NRXN1: variants seen among roughly 807,000 people sequenced by gnomAD.
The protein encoded by NRXN1 is neurexin-1.
NRXN1 carries 39 observed loss-of-function variants against 150.9 expected under a neutral mutation model. The observed-to-expected ratio is 0.26, with a 90% CI of 0.20 to 0.34. The LOEUF (loss-of-function observed/expected upper bound fraction) is 0.34. Ranked by LOEUF, NRXN1 falls within the 10% of genes least tolerant of loss-of-function variation. The pLI, the probability that NRXN1 is intolerant of heterozygous loss-of-function variation, is 1.00. For synonymous variants in NRXN1, 924 were observed against 757.0 expected (o/e 1.22, Z -3.62); for missense variants, 1,815 against 1,949.9 (o/e 0.93, Z 1.30).
chr2:50,845,540 C>T lies in NRXN1; in HGVS notation c.832+76329G>A, dbSNP rs144170795. Among the ~76,000 whole-genome samples, 6 of 152,280 alleles carry T rather than the reference C, an allele frequency of 3.9e-5. No homozygotes were observed. The East Asian group carries it at 1.2e-3, about 29-fold the overall frequency. Reference sequence around the variant, plus strand: ...GGCGTTTTTCACCATCTGAAATTAGCCTGTTCATTTATTCACTTGTTAACT... The same window carrying T: ...GGCGTTTTTCACCATCTGAAATTAGTCTGTTCATTTATTCACTTGTTAACT... On this transcript the variant is annotated intron_variant, in intron 5 of 22. Transcript: ENST00000401669.
intron 2 of NRXN1, among the ~76,000 whole-genome samples, chr2:50,928,501 T>C (rs780721975): frequency 6.6e-6 from 1 of 152,094 alleles, no homozygotes; most frequent in Non-Finnish European, 1.5e-5. Flanking sequence ...CTCCAGCATT[T>C]ACAACCATTC....
intron 8 of NRXN1, among the ~76,000 whole-genome samples, chr2:50,558,282 T>C (rs377092980): frequency 7.3e-4 from 111 of 152,352 alleles, no homozygotes; most frequent in African/African-American, 2.6e-3. Flanking sequence ...TCTTTCTTCA[T>C]GATCATGTCT....
rs1453540266 is a variant in NRXN1, at chr2:49,920,565, A to T, written c.*1379T>A. 1 of 152,526 alleles carries T rather than the reference A, an allele frequency of 6.6e-6. No homozygotes were observed. The highest frequency in any genetic ancestry group is 1.9e-4 in the East Asian group (1 of 5,170). 9.4% of individuals were successfully genotyped at this position (152,526 alleles called of 1,614,324 possible). Reference sequence around the variant, plus strand: ...TTACCTGGGAGCAAGATCTCAATGAAGCAAATCACCCCATTTGTCATCAAT... The same window carrying T: ...TTACCTGGGAGCAAGATCTCAATGATGCAAATCACCCCATTTGTCATCAAT... On this transcript the variant is annotated 3_prime_UTR_variant, in exon 23 of 23. Transcript: ENST00000401669.
At chr2:50,407,733 T>G (rs2082856497) in intron 17 of NRXN1, among the ~76,000 whole-genome samples, 1 of 152,228 alleles carries the variant, frequency 6.6e-6, no homozygotes, top group South Asian at 2.1e-4. Context: ...CTCAGGACTC[T>G]GTAGAGAGAC....
chr2:50,682,338 T>C (rs1275332688), intron 5 of NRXN1, among the ~76,000 whole-genome samples: 1 of 152,144 alleles, frequency 6.6e-6, no homozygotes, highest in African/African-American at 2.4e-5. Flanking sequence ...AACCAAGCCA[T>C]CTCTCAATTG....
intron 2 of NRXN1, among the ~76,000 whole-genome samples, chr2:50,941,256 T>C (rs1280676469): frequency 6.6e-6 from 1 of 152,216 alleles, no homozygotes; most frequent in African/African-American, 2.4e-5. Context: ...CGGGTAGTTC[T>C]TTATAGCAGT....
At chr2:50,588,286 A>G (rs1673500084) in intron 8 of NRXN1, among the ~76,000 whole-genome samples, 1 of 152,194 alleles carries the variant, frequency 6.6e-6, no homozygotes, top group African/African-American at 2.4e-5. Context: ...AATACTGTGG[A>G]AAAATAGAAT....
intron 5 of NRXN1, among the ~76,000 whole-genome samples, chr2:50,667,529 T>A (rs1331616693): frequency 1.3e-5 from 2 of 152,012 alleles, no homozygotes; most frequent in African/African-American, 2.4e-5. Flanking sequence ...TAATTTATAA[T>A]GACCAGGATA....
chr2:50,154,864 C>A (rs1199044558), intron 18 of NRXN1, among the ~76,000 whole-genome samples: 4 of 150,870 alleles, frequency 2.7e-5, no homozygotes, highest in Admixed American at 6.6e-5. Flanking sequence ...CTCTAATAAG[C>A]ATTAAGAAAA....
chr2:50,771,783 A>G (rs1429655257), intron 5 of NRXN1, among the ~76,000 whole-genome samples: 1 of 152,100 alleles, frequency 6.6e-6, no homozygotes, highest in African/African-American at 2.4e-5. Flanking sequence ...TGATGAACCT[A>G]GGGACACACT....
chr2:50,751,047 A>G (rs1329023013), intron 5 of NRXN1, among the ~76,000 whole-genome samples: 1 of 151,964 alleles, frequency 6.6e-6, no homozygotes, highest in Non-Finnish European at 1.5e-5. Context: ...AAGAGGAGGT[A>G]GTGTCAGTGG....
At chr2:50,951,963 A>ATATATATTTTT (rs1387961788) in intron 2 of NRXN1, among the ~76,000 whole-genome samples, 1 of 74,822 alleles carries the variant, frequency 1.3e-5, no homozygotes, top group Admixed American at 2.2e-4. Flanking sequence ...ATATATATAT[A>ATATATATTTTT]TTTTTTTTTT....
At chr2:50,575,926 C>T (rs1225779381) in intron 8 of NRXN1, among the ~76,000 whole-genome samples, 1 of 152,116 alleles carries the variant, frequency 6.6e-6, no homozygotes, top group Non-Finnish European at 1.5e-5. Flanking sequence ...AATAATGTTA[C>T]ATCATGGCAG....
chr2:50,819,314 G>C (rs982997131), intron 5 of NRXN1, among the ~76,000 whole-genome samples: 2 of 152,128 alleles, frequency 1.3e-5, no homozygotes, highest in Admixed American at 1.3e-4. Flanking sequence ...AAAAGAAAAT[G>C]TGGTATGTAC....
At chr2:50,767,117 G>C (rs17502934) in intron 5 of NRXN1, among the ~76,000 whole-genome samples, 7 of 152,058 alleles carry the variant, frequency 4.6e-5, no homozygotes, top group African/African-American at 1.7e-4. Context: ...AATTTGCTTA[G>C]GTCTTGCTTA....
intron 19 of NRXN1, among the ~76,000 whole-genome samples, chr2:50,090,279 T>C (rs1172296383): frequency 1.3e-5 from 2 of 152,156 alleles, no homozygotes; most frequent in Non-Finnish European, 1.5e-5. Flanking sequence ...ATTGAATACA[T>C]TGGTTATGTC....
chr2:50,685,940 T>C (rs547246078), intron 5 of NRXN1, among the ~76,000 whole-genome samples: 1 of 152,216 alleles, frequency 6.6e-6, no homozygotes, highest in Non-Finnish European at 1.5e-5. Flanking sequence ...GCATCAAAAA[T>C]ATAGATCTTG....
intron 21 of NRXN1, chr2:49,973,812 C>G (rs1678404760): frequency 1.7e-6 from 1 of 583,018 alleles, no homozygotes; most frequent in African/African-American, 1.9e-5. Context: ...ATGCAATCTT[C>G]AAGAAGAAAT....
At chr2:50,812,497 G>A (rs1194213070) in intron 5 of NRXN1, among the ~76,000 whole-genome samples, 1 of 152,054 alleles carries the variant, frequency 6.6e-6, no homozygotes, top group Admixed American at 6.6e-5. Context: ...GTAAGTCAAT[G>A]TCTTAGTAAA....
Sources: gnomAD v4.1 joint callset for allele counts (sites outside exome capture counted in the v4.1 genomes callset) on GRCh38, gnomAD v4.1.1 for gene constraint, MANE v1.5 for transcripts, NCBI Gene and HGNC (gene_info 2026-07-23, HGNC 2026-07-21) for gene names.